Variants in ZMYND12 observed in about 807,000 individuals in gnomAD.
ZMYND12 encodes the protein zinc finger MYND-type containing 12.
A neutral mutation model predicts 41.7 loss-of-function variants in ZMYND12; 32 were observed. That is an observed-to-expected ratio of 0.77 (90% confidence interval 0.58 to 1.03). The LOEUF (loss-of-function observed/expected upper bound fraction) is 1.03. Ranked by LOEUF, ZMYND12 falls within the 50% of genes least tolerant of loss-of-function variation. ZMYND12 has a pLI of 0.00. For missense variants in ZMYND12, 424 were observed against 438.5 expected, an observed-to-expected ratio of 0.97 and a Z score of 0.30; for synonymous variants, 148 against 164.8, an observed-to-expected ratio of 0.90 and a Z score of 0.78.
At chr1:42,439,689 G>C (rs776184712) in intron 4 of ZMYND12, among the ~76,000 whole-genome samples, 167 bp downstream of exon 4, 1 of 152,146 alleles carries the variant, frequency 6.6e-6, no homozygotes, top group Non-Finnish European at 1.5e-5. Context: ...CTTGAACTCG[G>C]GTCGGTAGAA....
chr1:42,447,058 C>T (rs899929887), intron 3 of ZMYND12, among the ~76,000 whole-genome samples: 2 of 151,954 alleles, frequency 1.3e-5, no homozygotes, highest in Non-Finnish European at 2.9e-5. Flanking sequence ...ATTGAAAATT[C>T]GATGAGGAAT....
At chr1:42,441,343 AC>A (rs1642966178) in intron 3 of ZMYND12, among the ~76,000 whole-genome samples, 2 of 152,202 alleles carry the variant, frequency 1.3e-5, no homozygotes, top group Non-Finnish European at 2.9e-5. Flanking sequence ...TGTTCATAGA[AC>A]TATATAGAGT....
chr1:42,440,802 G>A (rs890252362), intron 3 of ZMYND12, among the ~76,000 whole-genome samples: 4 of 151,934 alleles, frequency 2.6e-5, no homozygotes, highest in East Asian at 3.9e-4. Context: ...CCAAGTAGCT[G>A]GGACTGCAAG....
intron 1 of ZMYND12, among the ~76,000 whole-genome samples, chr1:42,450,615 A>G (rs1474012656): frequency 2.0e-5 from 3 of 152,130 alleles, no homozygotes; most frequent in Admixed American, 6.5e-5. Flanking sequence ...GAGTTTATAA[A>G]TATGTTTTAG....
intron 3 of ZMYND12, among the ~76,000 whole-genome samples, chr1:42,442,386 A>C (rs1332822361): frequency 1.3e-5 from 2 of 152,198 alleles, no homozygotes; most frequent in Non-Finnish European, 2.9e-5. Flanking sequence ...AATGGACAAC[A>C]CACGGTTACT....
In ZMYND12 at chr1:42,431,009, A is replaced by C. The variant is rs1642843103; in HGVS notation, c.976-151T>G. On this transcript the variant is annotated intron_variant, in intron 7 of 7. Transcript: ENST00000372565. ...CTCTTGTTGATAAACCTGTAAACACACTGGGCCCTTACAGCTAGCCACATG... is the reference window on the plus strand; with the variant it reads ...CTCTTGTTGATAAACCTGTAAACACCCTGGGCCCTTACAGCTAGCCACATG... 4 of 1,134,124 alleles carry C rather than the reference A, an allele frequency of 3.5e-6. No individual in the cohort carries two copies. In the African/African-American group the frequency reaches 6.3e-5, roughly 18 times the overall value. 70.3% of individuals were successfully genotyped at this position (1,134,124 alleles called of 1,614,324 possible). A position where few individuals can be genotyped will look rare whatever the true frequency, so the allele number is the denominator to read the frequency against.
intron 1 of ZMYND12, among the ~76,000 whole-genome samples, chr1:42,453,381 C>T (rs938160603): frequency 1.3e-5 from 2 of 151,986 alleles, no homozygotes; most frequent in Non-Finnish European, 2.9e-5. Context: ...AGCACAAGTG[C>T]CAACTATTTC....
chr1:42,448,838 A>G (rs1643051259), intron 2 of ZMYND12, among the ~76,000 whole-genome samples, 200 bp from the exon 3 acceptor site: 1 of 152,248 alleles, frequency 6.6e-6, no homozygotes, highest in African/African-American at 2.4e-5. Context: ...CTTAAGGCCC[A>G]GGAACATGTG....
intron 3 of ZMYND12, among the ~76,000 whole-genome samples, chr1:42,445,817 A>C (rs1167718745): frequency 2.0e-5 from 3 of 152,072 alleles, no homozygotes; most frequent in Non-Finnish European, 2.9e-5. Context: ...ACCACATTGG[A>C]GGGAGGCCAG....
chr1:42,452,811 A>G lies in ZMYND12; in HGVS notation c.111-2752T>C, dbSNP rs377533022. Reference sequence around the variant, plus strand: ...ACTATAGAGCAATATGCACAAGATTACACACAATATATAAAATAAATGTAT... The same window carrying G: ...ACTATAGAGCAATATGCACAAGATTGCACACAATATATAAAATAAATGTAT... On this transcript the variant is annotated intron_variant, in intron 1 of 7. Coordinates refer to ENST00000372565, the MANE Select transcript of ZMYND12 (RefSeq NM_032257.5). Among the ~76,000 whole-genome samples, 6 of 152,364 alleles carry G rather than the reference A, an allele frequency of 3.9e-5. No individual in the cohort carries two copies. The East Asian group carries it at 7.7e-4, about 20-fold the overall frequency.
Position 42,439,989 on chromosome 1 carries a change from AATAG to A in ZMYND12, c.457_460del (p.Leu153SerfsTer30). On this transcript the variant is annotated frameshift_variant, in exon 4 of 8. Coordinates refer to ENST00000372565, the MANE Select transcript of ZMYND12 (RefSeq NM_032257.5). LOFTEE classifies it high-confidence loss of function. ...TTTGAGGACTGTCCACTGGGCTTGG[AATAG>A]ATATTCTTCAGCCTGAACGATTCGG... The A allele has an allele frequency of 6.2e-7, 1 of 1,613,396 alleles. No homozygotes were observed. The highest frequency in any genetic ancestry group is 8.5e-7 in the Non-Finnish European group (1 of 1,179,822).
chr1:42,439,432 A>G (rs1200459442), intron 4 of ZMYND12, among the ~76,000 whole-genome samples: 1 of 152,054 alleles, frequency 6.6e-6, no homozygotes, highest in Non-Finnish European at 1.5e-5. Flanking sequence ...CGCCTGGCTA[A>G]TTTTTTGTAT....
At chr1:42,446,186 C>T (rs113549528) in intron 3 of ZMYND12, among the ~76,000 whole-genome samples, 3,165 of 152,000 alleles carry the variant, frequency 0.021, 122 homozygotes, top group African/African-American at 0.072. Context: ...AGTTAGAGAG[C>T]GGGGATTGAT....
Position 42,443,807 on chromosome 1 carries a change from C to T in ZMYND12, c.425-3782G>A, listed in dbSNP as rs537411747. Among the ~76,000 whole-genome samples, 9 of 152,216 alleles carry T rather than the reference C, an allele frequency of 5.9e-5. No homozygotes were observed. The South Asian group carries it at 1.9e-3, about 32-fold the overall frequency. ...AGTCTCTATCACAATGCATGATGCT[C>T]AATGCACACTAAGACATGATCCCTG... is the stretch of plus-strand genomic sequence containing the variant. On this transcript the variant is annotated intron_variant, in intron 3 of 7. Coordinates refer to ENST00000372565, the MANE Select transcript of ZMYND12 (RefSeq NM_032257.5).
intron 5 of ZMYND12, 49 bp downstream of exon 5, chr1:42,436,372 G>C: frequency 6.2e-7 from 1 of 1,607,608 alleles, no homozygotes; most frequent in Non-Finnish European, 8.5e-7. Context: ...CAAGTTGTAA[G>C]ACACCAAGCC....
intron 3 of ZMYND12, among the ~76,000 whole-genome samples, chr1:42,447,482 T>G (rs1266339698): frequency 6.6e-6 from 1 of 152,214 alleles, no homozygotes; most frequent in Non-Finnish European, 1.5e-5. Context: ...TGTATCCTTT[T>G]GCTATAAAGA....
intron 5 of ZMYND12, among the ~76,000 whole-genome samples, chr1:42,436,064 C>T (rs1235118274): frequency 2.0e-5 from 3 of 152,178 alleles, no homozygotes; most frequent in Non-Finnish European, 2.9e-5. Context: ...CAACAGACTT[C>T]CCTTGGAAAT....
At position 42,439,973 on chromosome 1, in the gene ZMYND12, T is replaced by C; in HGVS notation, c.477A>G (p.Thr159=). ...TACTACAGTCAGTTGATTTGAGGAC[T>C]GTCCACTGGGCTTGGAATAGATATT... ...AEEYLFQAQW[T]VLKSTDCSNA... is the part of the protein sequence containing the mutation. Residue 159 remains threonine, a synonymous_variant, in exon 4 of 8, where the codon ACA becomes ACG. Coordinates refer to ENST00000372565, the MANE Select transcript of ZMYND12 (RefSeq NM_032257.5). The C allele has an allele frequency of 1.2e-6, 2 of 1,614,018 alleles. No individual in the cohort carries two copies. Among genetic ancestry groups the C allele is most frequent in the Non-Finnish European group, 1.7e-6 (2 of 1,179,982 alleles).
At chr1:42,448,955 C>T (rs1457341441) in intron 2 of ZMYND12, among the ~76,000 whole-genome samples, 1 of 152,188 alleles carries the variant, frequency 6.6e-6, no homozygotes, top group East Asian at 1.9e-4. Context: ...TTTACTTTAG[C>T]AAAGCTAGCA....
Sources: allele counts gnomAD v4.1 joint callset (sites outside exome capture counted in the v4.1 genomes callset), GRCh38; gene constraint gnomAD v4.1.1; transcripts MANE v1.5; gene names NCBI Gene and HGNC (gene_info 2026-07-23, HGNC 2026-07-21).